The following PTPRD variants were observed in gnomAD, a reference collection of about 807,000 sequenced individuals.
The protein encoded by PTPRD is receptor-type tyrosine-protein phosphatase delta.
In PTPRD, 34 loss-of-function variants were observed where a neutral mutation model predicts 214.5. That is an observed-to-expected ratio of 0.16 (90% confidence interval 0.12 to 0.21). PTPRD has a LOEUF of 0.21. Ranked by LOEUF, PTPRD falls within the 10% of genes least tolerant of loss-of-function variation. PTPRD has a pLI of 1.00. For missense variants in PTPRD, 2,545 were observed against 2,398.7 expected, an observed-to-expected ratio of 1.06 and a Z score of -1.27; for synonymous variants, 1,128 against 845.7, an observed-to-expected ratio of 1.33 and a Z score of -5.79.
At chr9:8,655,201 G>C (rs1192527554) in intron 12 of PTPRD, among the ~76,000 whole-genome samples, 1 of 152,146 alleles carries the variant, frequency 6.6e-6, no homozygotes, top group African/African-American at 2.4e-5. Flanking sequence ...GACATGGAAG[G>C]TTTCCTATGT....
chr9:10,138,270 A>G (rs553229022), intron 3 of PTPRD, among the ~76,000 whole-genome samples: 2 of 152,204 alleles, frequency 1.3e-5, no homozygotes, highest in Non-Finnish European at 2.9e-5. Flanking sequence ...CCCTATCCAT[A>G]CAAAGTAGGA....
intron 7 of PTPRD, among the ~76,000 whole-genome samples, chr9:9,718,457 G>A (rs2097872989): frequency 6.6e-6 from 1 of 152,162 alleles, no homozygotes; most frequent in East Asian, 1.9e-4. Context: ...TGATCCCAGT[G>A]GGAGCCCTGC....
intron 14 of PTPRD, among the ~76,000 whole-genome samples, chr9:8,558,205 G>A (rs189440328): frequency 3.3e-5 from 5 of 152,228 alleles, no homozygotes; most frequent in South Asian, 2.1e-4. Flanking sequence ...ATTTCCTCCA[G>A]GATCATTAAT....
intron 3 of PTPRD, among the ~76,000 whole-genome samples, chr9:10,115,605 G>A (rs2098724272): frequency 6.6e-6 from 1 of 151,556 alleles, no homozygotes; most frequent in Non-Finnish European, 1.5e-5. Context: ...TGATGGTATG[G>A]CACTTCAAGT....
chr9:8,940,280 C>CCTTTGTTT (rs763715400), intron 11 of PTPRD, among the ~76,000 whole-genome samples: 3,143 of 88,836 alleles, frequency 0.035, 550 homozygotes, highest in East Asian at 0.17. Flanking sequence ...TCTCTCTCTC[C>CCTTTGTTT]TTTTTTTTTT....
chr9:8,960,706 G>A (rs550822678), intron 11 of PTPRD, among the ~76,000 whole-genome samples: 4 of 152,230 alleles, frequency 2.6e-5, no homozygotes, highest in African/African-American at 9.6e-5. Context: ...TGAAGCCAGA[G>A]ACCTACTTTC....
intron 9 of PTPRD, among the ~76,000 whole-genome samples, chr9:9,269,719 C>T (rs1941982207): frequency 1.3e-5 from 2 of 151,074 alleles, no homozygotes; most frequent in African/African-American, 2.4e-5. Flanking sequence ...TATGGATGAA[C>T]CTGGAACACA....
chr9:10,506,178 A>G (rs893446792), intron 2 of PTPRD, among the ~76,000 whole-genome samples: 43 of 152,050 alleles, frequency 2.8e-4, no homozygotes, highest in African/African-American at 9.2e-4. Flanking sequence ...GGGGAAATGG[A>G]TACTTTTAAA....
At chr9:9,159,146 C>T (rs1422204255) in intron 10 of PTPRD, among the ~76,000 whole-genome samples, 3 of 152,062 alleles carry the variant, frequency 2.0e-5, no homozygotes, top group South Asian at 4.1e-4. Context: ...AGGTCAGGGA[C>T]AAGACAAGAA....
intron 9 of PTPRD, among the ~76,000 whole-genome samples, chr9:9,331,333 A>C (rs1019843645): frequency 3.9e-5 from 6 of 151,972 alleles, no homozygotes; most frequent in African/African-American, 1.5e-4. Flanking sequence ...AAATGTTTTA[A>C]ATTCCTTAAA....
chr9:10,321,041 A>T (rs996510241), intron 3 of PTPRD, among the ~76,000 whole-genome samples: 27 of 152,026 alleles, frequency 1.8e-4, no homozygotes, highest in Middle Eastern at 3.2e-3. Flanking sequence ...TTCTTTCATG[A>T]AATGTGTGTA....
intron 10 of PTPRD, among the ~76,000 whole-genome samples, chr9:9,082,148 GA>G (rs2099760160): frequency 6.6e-6 from 1 of 151,952 alleles, no homozygotes; most frequent in Admixed American, 6.6e-5. Context: ...ACCTGGCAGA[GA>G]CACAACAAAA....
At chr9:9,572,692 T>C (rs2086901679) in intron 8 of PTPRD, among the ~76,000 whole-genome samples, 1 of 149,980 alleles carries the variant, frequency 6.7e-6, no homozygotes, top group Non-Finnish European at 1.5e-5. Flanking sequence ...CATATGTATG[T>C]ATAAACATAA....
chr9:8,722,395 A>G (rs1008188401), intron 12 of PTPRD, among the ~76,000 whole-genome samples: 1 of 152,174 alleles, frequency 6.6e-6, no homozygotes, highest in Non-Finnish European at 1.5e-5. Context: ...TATTTTAGAG[A>G]AAACATTTAA....
At chr9:10,544,617 A>G (rs570333188) in intron 2 of PTPRD, among the ~76,000 whole-genome samples, 9 of 152,320 alleles carry the variant, frequency 5.9e-5, no homozygotes, top group East Asian at 1.9e-4. Context: ...CTCTAGGACT[A>G]TAAGCACTCT....
intron 3 of PTPRD, among the ~76,000 whole-genome samples, chr9:10,117,620 T>A (rs1384830615): frequency 6.6e-6 from 1 of 151,710 alleles, no homozygotes; most frequent in Non-Finnish European, 1.5e-5. Context: ...CCGTTTTTTT[T>A]TTTTTCTTAT....
At chr9:8,436,994 G>C (rs1042121861) in intron 34 of PTPRD, among the ~76,000 whole-genome samples, 6 of 152,234 alleles carry the variant, frequency 3.9e-5, no homozygotes, top group African/African-American at 1.4e-4. Flanking sequence ...CTGACAGTCA[G>C]GCTTGATGTC....
At chr9:8,661,087 A>T (rs1292140104) in intron 12 of PTPRD, among the ~76,000 whole-genome samples, 1 of 152,114 alleles carries the variant, frequency 6.6e-6, no homozygotes, top group East Asian at 1.9e-4. Flanking sequence ...TGGTTATAGA[A>T]CAGTCCCAAG....
At chr9:8,523,422 C>T in intron 19 of PTPRD, 91 bp downstream of exon 19, 3 of 1,452,336 alleles carry the variant, frequency 2.1e-6, no homozygotes, top group Middle Eastern at 1.7e-4. Flanking sequence ...AAGAAGAACA[C>T]AATGCAGCTA....
Sources: allele counts gnomAD v4.1 joint callset (sites outside exome capture counted in the v4.1 genomes callset), GRCh38; gene constraint gnomAD v4.1.1; transcripts MANE v1.5; gene names NCBI Gene and HGNC (gene_info 2026-07-23, HGNC 2026-07-21).